The following MAF variants were observed in gnomAD, a reference collection of about 807,000 sequenced individuals.
The protein encoded by MAF is transcription factor Maf.
MAF carries 10 observed loss-of-function variants against 22.0 expected under a neutral mutation model. The observed-to-expected ratio is 0.45, with a 90% CI of 0.28 to 0.77. MAF has a LOEUF of 0.77. MAF is among the 30% of genes least tolerant of loss of function. The pLI is 0.12. For missense variants in MAF, 544 were observed against 548.4 expected (o/e 0.99, Z 0.08); for synonymous variants, 337 against 255.8 (o/e 1.32, Z -3.03).
the MAF span, among the ~76,000 whole-genome samples, chr16:79,327,683 A>T: frequency 7.9e-5 from 12 of 152,262 alleles, no homozygotes; most frequent in African/African-American, 2.9e-4. Context: ...GTTCATCGTC[A>T]TAATGTTGCT....
In MAF at chr16:79,599,201, T is replaced by G. The variant is rs779108045; in HGVS notation, c.702A>C (p.Gly234=). ...AGGGGGGGGG[G]GGGGAAGAGG... is the part of the protein sequence containing the mutation. ...CCGCCCCCGCCGCGCCCCCGCCGCC[T>G]CCGCCGCCGCCGCCGCCGCCGCCGC... The change falls in exon 1 of 2, where the codon GGA becomes GGC. Residue 234 remains glycine (G), a synonymous_variant. Coordinates refer to ENST00000326043, the MANE Select transcript of MAF (RefSeq NM_005360.5). 11,564 of 974,532 alleles carry G rather than the reference T, an allele frequency of 0.012. 82 individuals are homozygous for G. The highest frequency in any genetic ancestry group is 0.013 in the Non-Finnish European group (10,761 of 822,374). The allele number at this position is 974,532 out of a possible 1,614,324, so 60.4% of individuals were successfully genotyped here. A position where few individuals can be genotyped will look rare whatever the true frequency, so the allele number is the denominator to read the frequency against.
chr16:79,300,241 G>A, the MAF span, among the ~76,000 whole-genome samples: 2 of 152,276 alleles, frequency 1.3e-5, no homozygotes, highest in Admixed American at 6.5e-5. Flanking sequence ...CTATTTGTGT[G>A]TTAATGACTT....
the MAF span, among the ~76,000 whole-genome samples, chr16:79,420,759 G>A: frequency 1.3e-5 from 2 of 152,354 alleles, no homozygotes; most frequent in South Asian, 4.1e-4. Flanking sequence ...GCTTGACGCG[G>A]TGGCTCATGC....
At chr16:79,354,643 C>A in the MAF span, among the ~76,000 whole-genome samples, 7 of 152,292 alleles carry the variant, frequency 4.6e-5, no homozygotes, top group Non-Finnish European at 1.0e-4. Context: ...GGGATTGGTA[C>A]TGGGTGATAG....
At chr16:79,308,083 G>A in the MAF span, among the ~76,000 whole-genome samples, 1 of 152,290 alleles carries the variant, frequency 6.6e-6, no homozygotes. Flanking sequence ...ACAGAGCCTT[G>A]GGAAGGGTCA....
the MAF span, among the ~76,000 whole-genome samples, chr16:79,421,101 A>C: frequency 6.6e-6 from 1 of 152,120 alleles, no homozygotes; most frequent in Non-Finnish European, 1.5e-5. Flanking sequence ...GTTCTATTTT[A>C]TTATTAGCCG....
chr16:79,261,905 G>A, the MAF span, among the ~76,000 whole-genome samples: 1 of 152,196 alleles, frequency 6.6e-6, no homozygotes, highest in African/African-American at 2.4e-5. Context: ...TCCTCCTCCT[G>A]ACAGTGGAGA....
At chr16:79,416,860 TTA>T in the MAF span, among the ~76,000 whole-genome samples, 1 of 152,190 alleles carries the variant, frequency 6.6e-6, no homozygotes, top group Non-Finnish European at 1.5e-5. Flanking sequence ...CAATGAAGTG[TTA>T]TATAGTTTTA....
the MAF span, among the ~76,000 whole-genome samples, chr16:79,311,831 G>T: frequency 1.3e-5 from 2 of 152,178 alleles, no homozygotes; most frequent in Non-Finnish European, 2.9e-5. Context: ...ACTTCTGTGG[G>T]CATGAAGGAC....
chr16:79,402,411 G>T, the MAF span, among the ~76,000 whole-genome samples: 1 of 152,196 alleles, frequency 6.6e-6, no homozygotes, highest in African/African-American at 2.4e-5. Context: ...GAGAGTTCAG[G>T]CCCACACCTA....
the MAF span, among the ~76,000 whole-genome samples, chr16:79,309,502 G>C: frequency 6.6e-6 from 1 of 152,242 alleles, no homozygotes; most frequent in South Asian, 2.1e-4. Flanking sequence ...AAACGGTTTT[G>C]CCCTAGATTT....
At chr16:79,301,555 T>C in the MAF span, among the ~76,000 whole-genome samples, 1 of 152,196 alleles carries the variant, frequency 6.6e-6, no homozygotes, top group African/African-American at 2.4e-5. Context: ...TGCATTTACA[T>C]AGTTATTATG....
chr16:79,340,823 C>T, the MAF span, among the ~76,000 whole-genome samples: 44 of 152,244 alleles, frequency 2.9e-4, no homozygotes, highest in South Asian at 8.7e-3. Context: ...GGAAGCAAAT[C>T]GCCCCCTCAT....
the MAF span, among the ~76,000 whole-genome samples, chr16:79,551,445 T>C: frequency 6.6e-6 from 1 of 152,212 alleles, no homozygotes; most frequent in Non-Finnish European, 1.5e-5. Context: ...TAACCAAGCT[T>C]GAGTCCCACT....
At chr16:79,347,087 G>A in the MAF span, among the ~76,000 whole-genome samples, 134 of 152,190 alleles carry the variant, frequency 8.8e-4, 2 homozygotes, top group Non-Finnish European at 1.5e-3. Context: ...GATCTGGCAC[G>A]CAGAGGGCTC....
chr16:79,240,401 C>T, the MAF span, among the ~76,000 whole-genome samples: 1 of 147,822 alleles, frequency 6.8e-6, no homozygotes, highest in African/African-American at 2.5e-5. Flanking sequence ...ACTACCCCTT[C>T]AGGACCTCTC....
chr16:79,521,655 G>A, the MAF span, among the ~76,000 whole-genome samples: 9 of 152,148 alleles, frequency 5.9e-5, no homozygotes, highest in South Asian at 1.3e-3. Context: ...CACGCATCAC[G>A]CAGCCACATC....
At chr16:79,304,278 G>A in the MAF span, among the ~76,000 whole-genome samples, 1 of 152,144 alleles carries the variant, frequency 6.6e-6, no homozygotes, top group African/African-American at 2.4e-5. Context: ...CCCTTTCCAG[G>A]CAAGCAGCCC....
At chr16:79,562,440 G>GACCT in the MAF span, among the ~76,000 whole-genome samples, 1 of 152,162 alleles carries the variant, frequency 6.6e-6, no homozygotes, top group East Asian at 1.9e-4. Context: ...CCAGCTCCAG[G>GACCT]ACCTATAGGA....
Sources: gnomAD v4.1 joint callset for allele counts (sites outside exome capture counted in the v4.1 genomes callset) on GRCh38, gnomAD v4.1.1 for gene constraint, MANE v1.5 for transcripts, NCBI Gene and HGNC (gene_info 2026-07-23, HGNC 2026-07-21) for gene names.